Variants in GANAB observed in about 807,000 individuals in gnomAD.
GANAB encodes the protein glucosidase II alpha subunit.
A neutral mutation model predicts 129.9 loss-of-function variants in GANAB; 35 were observed. That is an observed-to-expected ratio of 0.27 (90% CI 0.21 to 0.36). The LOEUF is 0.36. GANAB is among the 10% of genes least tolerant of loss of function. GANAB has a pLI of 1.00. For synonymous variants in GANAB, 482 were observed against 451.8 expected, an observed-to-expected ratio of 1.07 and a Z score of -0.85; for missense variants, 939 against 1,221.0, an observed-to-expected ratio of 0.77 and a Z score of 3.44.
intron 4 of GANAB, 126 bp downstream of exon 4, chr11:62,638,857 G>T: frequency 1.2e-6 from 1 of 814,728 alleles, no homozygotes; most frequent in Non-Finnish European, 2.0e-6. Context: ...AGGTTGAGGA[G>T]TATGGCAAGG....
Position 62,631,304 on chromosome 11 carries a change from G to A in GANAB, c.997-121C>T, listed in dbSNP as rs992884502. 1.5e-5 allele frequency: 13 copies of A among 842,296 alleles called. No individual in the cohort carries two copies. In the Admixed American group the frequency reaches 2.6e-4, roughly 17 times the overall value. The allele number at this position is 842,296 out of a possible 1,614,324, so 52.2% of individuals were successfully genotyped here. A position where few individuals can be genotyped will look rare whatever the true frequency, so the allele number is the denominator to read the frequency against. The stretch of plus-strand genomic sequence containing the variant: ...GAGCTGGCTCATGTAAGCTGCTTTC[G>A]GTAAGACTAAACGGGGCCTCTTCAG... On this transcript the variant is annotated intron_variant, in intron 9 of 23. Coordinates refer to ENST00000356638, the MANE Select transcript of GANAB (RefSeq NM_198334.3).
chr11:62,627,065 G>A lies in GANAB; in HGVS notation c.2305C>T (p.Leu769=). 6.2e-7 allele frequency: 1 copy of A among 1,613,408 alleles called. No homozygotes were observed. Reference sequence around the variant, plus strand: ...TAACTCACCTCCCCTTGGCCAGGCAGATAGACCTGGACACCATGGGCTCCA... The same window carrying A: ...TAACTCACCTCCCCTTGGCCAGGCAAATAGACCTGGACACCATGGGCTCCA... ...DSGAHGVQVY[L]PGQGEVWYDI... is the part of the protein sequence containing the mutation. The change falls in exon 19 of 24, where the codon CTG becomes TTG. Residue 769 remains leucine, a synonymous_variant. Coordinates refer to ENST00000356638, the MANE Select transcript of GANAB (RefSeq NM_198334.3).
intron 1 of GANAB, among the ~76,000 whole-genome samples, chr11:62,642,512 G>A (rs144816462): frequency 0.013 from 2,004 of 151,022 alleles, 38 homozygotes; most frequent in African/African-American, 0.046. Context: ...TCAGCTCACT[G>A]CAACCTCTGC....
chr11:62,633,868 C>G (rs1943808951), intron 5 of GANAB: 1 of 418,152 alleles, frequency 2.4e-6, no homozygotes. Flanking sequence ...CCCAAGTGCT[C>G]TCCCTGGGCC....
rs778441367 is a variant in GANAB, at chr11:62,626,847, C to T, written c.2397+13G>A. The T allele has an allele frequency of 1.3e-6, 2 of 1,595,206 alleles. No homozygotes were observed. The highest frequency in any genetic ancestry group is 1.7e-6 in the Non-Finnish European group (2 of 1,164,072). On this transcript the variant is annotated intron_variant, in intron 20 of 23. Transcript: ENST00000356638. Reference sequence around the variant, plus strand: ...AGGGAGATGGAACCGGCAGCCAGACCAGGCTTACTCACACTGCTTAGAGTT... The same window carrying T: ...AGGGAGATGGAACCGGCAGCCAGACTAGGCTTACTCACACTGCTTAGAGTT...
At position 62,639,426 on chromosome 11, in the gene GANAB, G is replaced by A; in HGVS notation, c.185C>T (p.Ala62Val). The change falls in exon 3 of 24, where the codon GCC becomes GTC. Residue 62 changes from alanine to valine, a missense_variant. This residue lies in a region of GANAB where 321 missense variants were observed against 329.1 expected (regional missense o/e 0.98). Transcript: ENST00000356638. The part of the protein sequence containing the change: ...SIRPGLSPYR[A>V]LLDSLQLGPD... ...ACCAAGCTGTAGAGAGTCCAGCAAG[G>A]CTCGGTATGGAGAGAGGCCTGGCCG... 6.2e-7 allele frequency: 1 copy of A among 1,613,872 alleles called. No individual in the cohort carries two copies. The highest frequency in any genetic ancestry group is 8.5e-7 in the Non-Finnish European group (1 of 1,179,844).
chr11:62,639,796 G>A, intron 1 of GANAB, 65 bp from the exon 2 acceptor site: 2 of 938,880 alleles, frequency 2.1e-6, no homozygotes, highest in Admixed American at 1.9e-5. Flanking sequence ...CCTTCAAAAG[G>A]AAAAGCTTCT....
chr11:62,643,005 A>C (rs1184678070), intron 1 of GANAB, among the ~76,000 whole-genome samples: 22 of 152,172 alleles, frequency 1.4e-4, no homozygotes. Context: ...CAGCACACTA[A>C]TCACTAGCAG....
Position 62,626,107 on chromosome 11 carries a change from T to C in GANAB, c.2683A>G (p.Ile895Val), listed in dbSNP as rs1400351001. Residue 895 changes from isoleucine (I) to valine (V), a missense_variant, in exon 23 of 24, where the codon ATA becomes GTA. By Grantham distance (29) the Ile-to-Val change is conservative. Transcript: ENST00000356638. ...ACAGCTGCTGGCTTTCCAGCCCCTATTATCACCACCCGCTCAATCCAGATT... is the reference window on the plus strand; with the variant it reads ...ACAGCTGCTGGCTTTCCAGCCCCTACTATCACCACCCGCTCAATCCAGATT... Reference protein sequence around the residue: ...TPIWIERVVIIGAGKPAAVVL... With the variant: ...TPIWIERVVIVGAGKPAAVVL... 6.2e-7 allele frequency: 1 copy of C among 1,613,996 alleles called. No individual in the cohort carries two copies. The highest frequency in any genetic ancestry group is 2.2e-5 in the East Asian group (1 of 44,882).
chr11:62,629,024 G>A lies in GANAB; in HGVS notation c.1937-12C>T. On this transcript the variant is annotated splice_polypyrimidine_tract_variant and intron_variant, in intron 16 of 23. Transcript: ENST00000356638. ...GCCACCCACATCCGCTGGTAGAGGA[G>A]AGAGAGGAAGCAGGTTGGAAAAGAG... 1 of 1,609,944 alleles carries A rather than the reference G, an allele frequency of 6.2e-7. No homozygotes were observed. The highest frequency in any genetic ancestry group is 1.3e-5 in the African/African-American group (1 of 74,974).
Position 62,639,118 on chromosome 11 carries a change from G to A in GANAB, c.253-8C>T, listed in dbSNP as rs755168371. 1.2e-5 allele frequency: 19 copies of A among 1,613,540 alleles called. No homozygotes were observed. In the Admixed American group the frequency reaches 2.8e-4, roughly 24 times the overall value. On this transcript the variant is annotated splice_polypyrimidine_tract_variant and splice_region_variant and intron_variant, in intron 3 of 23. Transcript: ENST00000356638. Reference sequence around the variant, plus strand: ...CTCTAGCACCAGCAACACCTGCGGGGACAGAGGTTTGGATCTGGAGAAAGG... The same window carrying A: ...CTCTAGCACCAGCAACACCTGCGGGAACAGAGGTTTGGATCTGGAGAAAGG...
Position 62,626,668 on chromosome 11 carries a change from C to A in GANAB, c.2414G>T (p.Arg805Leu). ...VTLSSIPVFQ[R>L]GGTIVPRWMR... ...CCATCGAGGCACGATTGTCCCTCCA[C>A]GCTGGAACACAGGGATCTAGGGCAA... Residue 805 changes from arginine to leucine, a missense_variant, in exon 21 of 24, where the codon CGT becomes CTT. By Grantham distance (102) the Arg-to-Leu change is moderately radical. This residue lies in a region of GANAB where 230 missense variants were observed against 259.9 expected (regional missense o/e 0.89). Transcript: ENST00000356638. 1 of 1,604,376 alleles carries A rather than the reference C, an allele frequency of 6.2e-7. No homozygotes were observed. The highest frequency in any genetic ancestry group is 8.5e-7 in the Non-Finnish European group (1 of 1,173,944).
Position 62,630,322 on chromosome 11 carries a change from A to G in GANAB, c.1514-46T>C, listed in dbSNP as rs371443205. ...CTCTCAATCCCCTAAGGGGCAAAAG[A>G]GCCACCATTCTACCCCGCTGGCCAA... On this transcript the variant is annotated intron_variant, in intron 12 of 23. Coordinates refer to ENST00000356638, the MANE Select transcript of GANAB (RefSeq NM_198334.3). The G allele has an allele frequency of 4.3e-6, 7 of 1,613,010 alleles. No individual in the cohort carries two copies. In the African/African-American group the frequency reaches 9.3e-5, roughly 22 times the overall value.
At position 62,646,595 on chromosome 11, in the gene GANAB, G is replaced by T. The variant is rs1359884719; in HGVS notation, c.5C>A (p.Ala2Glu). 7 of 1,613,850 alleles carry T rather than the reference G, an allele frequency of 4.3e-6. No homozygotes were observed. The Admixed American group carries it at 1.2e-4, about 27-fold the overall frequency. The change falls in exon 1 of 24, where the codon GCG becomes GAG. Residue 2 changes from alanine to glutamate, a missense_variant. By Grantham distance (107) the Ala-to-Glu change is moderately radical. Coordinates refer to ENST00000356638, the MANE Select transcript of GANAB (RefSeq NM_198334.3). Reference protein sequence around the residue: MAAVAAVAARRR... With the variant: MEAVAAVAARRR... ...ACGCGCCGCCACTGCCGCTACCGCCGCCATCTTGTGCAGAGTTTGCTCCTT... is the reference window on the plus strand; with the variant it reads ...ACGCGCCGCCACTGCCGCTACCGCCTCCATCTTGTGCAGAGTTTGCTCCTT...
chr11:62,639,091 A>C lies in GANAB; in HGVS notation c.272T>G (p.Leu91Arg). 6.2e-7 allele frequency: 1 copy of C among 1,614,050 alleles called. No homozygotes were observed. The change falls in exon 4 of 24, where the codon CTT becomes CGT. Residue 91 changes from leucine to arginine, a missense_variant. This residue lies in a region of GANAB where 321 missense variants were observed against 329.1 expected (regional missense o/e 0.98). Coordinates refer to ENST00000356638, the MANE Select transcript of GANAB (RefSeq NM_198334.3). ...EVTKVLLVLE[L>R]QGLQKNMTRF... ...AGTCATGTTCTTTTGAAGCCCCTGA[A>C]GCTCTAGCACCAGCAACACCTGCGG...
chr11:62,630,545 C>T (rs1177285862), intron 11 of GANAB, 40 bp from the exon 12 acceptor site: 1 of 1,613,616 alleles, frequency 6.2e-7, no homozygotes. Flanking sequence ...CTCTTTAAGG[C>T]TAAACTATGC....
chr11:62,642,853 G>C lies in GANAB; in HGVS notation c.39-3122C>G, dbSNP rs117464462. On this transcript the variant is annotated intron_variant, in intron 1 of 23. Transcript: ENST00000356638. ...TTGTTTTCTTGGTGAATATAGGGTT[G>C]GGGTTTATTTCCAGATGGGAAAATT... is the stretch of plus-strand genomic sequence containing the variant. Among the ~76,000 whole-genome samples the C allele has an allele frequency of 4.7e-3, 716 of 152,220 alleles. 4 individuals carry two copies. Among genetic ancestry groups the C allele is most frequent in the Non-Finnish European group, 6.7e-3 (457 of 68,008 alleles).
In GANAB at chr11:62,625,749, G is replaced by A. The variant is rs754829169; in HGVS notation, c.*66C>T. The A allele has an allele frequency of 1.9e-6, 2 of 1,036,424 alleles. No homozygotes were observed. The highest frequency in any genetic ancestry group is 1.3e-5 in the South Asian group (1 of 78,020). 64.2% of individuals were successfully genotyped at this position (1,036,424 alleles called of 1,614,324 possible). A position where few individuals can be genotyped will look rare whatever the true frequency, so the allele number is the denominator to read the frequency against. The stretch of plus-strand genomic sequence containing the variant: ...CTGGGGAGGGCCGAACTCCAAGGCA[G>A]AAGAAAGAATATCTCTCAGCACTAA... On this transcript the variant is annotated 3_prime_UTR_variant, in exon 24 of 24. Transcript: ENST00000356638.
At chr11:62,633,384 C>T (rs912940269) in intron 6 of GANAB, 61 bp downstream of exon 6, 2 of 1,564,418 alleles carry the variant, frequency 1.3e-6, no homozygotes, top group African/African-American at 2.7e-5. Context: ...TTCTCATGGG[C>T]CTCTCCCCTC....
Sources: gnomAD v4.1 joint callset for allele counts (sites outside exome capture counted in the v4.1 genomes callset) on GRCh38, gnomAD v4.1.1 for gene constraint, gnomAD v4.1.1 regional missense constraint, MANE v1.5 for transcripts, NCBI Gene and HGNC (gene_info 2026-07-23, HGNC 2026-07-21) for gene names.